CTNNA3: variants seen among roughly 807,000 people sequenced by gnomAD.
The protein encoded by CTNNA3 is catenin alpha 3, also known as catenin alpha-3.
A neutral mutation model predicts 95.7 loss-of-function variants in CTNNA3; 76 were observed. The ratio of observed to expected loss-of-function variants is 0.79; its 90% CI spans 0.66 to 0.96. CTNNA3 has a LOEUF of 0.96. CTNNA3 is among the 40% of genes least tolerant of loss of function. CTNNA3 has a pLI of 0.00. For synonymous variants in CTNNA3, 431 were observed against 374.4 expected, an observed-to-expected ratio of 1.15 and a Z score of -1.74; for missense variants, 1,191 against 1,089.8, an observed-to-expected ratio of 1.09 and a Z score of -1.31.
At chr10:66,843,377 G>A (rs1450240492) in intron 7 of CTNNA3, among the ~76,000 whole-genome samples, 4 of 152,132 alleles carry the variant, frequency 2.6e-5, no homozygotes, top group African/African-American at 9.7e-5. Flanking sequence ...ATGTGTAAAG[G>A]CATCCAGGTA....
intron 7 of CTNNA3, among the ~76,000 whole-genome samples, chr10:66,869,169 C>T (rs930829021): frequency 1.3e-5 from 2 of 152,128 alleles, no homozygotes; most frequent in African/African-American, 2.4e-5. Flanking sequence ...CCAATAAAAA[C>T]ACTATATAAT....
At chr10:67,241,781 T>G (rs1464178804) in intron 5 of CTNNA3, among the ~76,000 whole-genome samples, 3 of 152,228 alleles carry the variant, frequency 2.0e-5, no homozygotes, top group African/African-American at 7.2e-5. Flanking sequence ...TATCCCTTGT[T>G]GTCAAAAGAA....
chr10:67,419,688 A>AT, intron 5 of CTNNA3, among the ~76,000 whole-genome samples: 1 of 152,344 alleles, frequency 6.6e-6, no homozygotes, highest in East Asian at 1.9e-4. Context: ...AACTAATGTA[A>AT]TTTGAATCTT....
chr10:66,455,985 A>T (rs1174067425), intron 11 of CTNNA3, among the ~76,000 whole-genome samples: 1 of 152,232 alleles, frequency 6.6e-6, no homozygotes, highest in Non-Finnish European at 1.5e-5. Flanking sequence ...TTTGGTATAA[A>T]TCTGGCAAAA....
At chr10:66,585,250 T>C (rs1164965144) in intron 10 of CTNNA3, among the ~76,000 whole-genome samples, 1 of 152,064 alleles carries the variant, frequency 6.6e-6, no homozygotes, top group Non-Finnish European at 1.5e-5. Context: ...CCAGGGAAGT[T>C]TTCCTCCCTG....
chr10:67,456,220 G>T (rs1274533676), intron 5 of CTNNA3, among the ~76,000 whole-genome samples: 1 of 152,060 alleles, frequency 6.6e-6, no homozygotes, highest in Non-Finnish European at 1.5e-5. Context: ...AAGATAAAAT[G>T]TACCAAAGAG....
At chr10:67,681,315 A>G (rs1337186193) in intron 1 of CTNNA3, among the ~76,000 whole-genome samples, 3 of 152,180 alleles carry the variant, frequency 2.0e-5, no homozygotes, top group African/African-American at 7.2e-5. Flanking sequence ...TAGGGATTGG[A>G]AAAAATAGGA....
At chr10:66,251,390 G>C (rs911203874) in intron 13 of CTNNA3, among the ~76,000 whole-genome samples, 2 of 151,828 alleles carry the variant, frequency 1.3e-5, no homozygotes, top group African/African-American at 4.8e-5. Context: ...TGGTGATTTT[G>C]CTTTGTTAGG....
At position 67,670,327 on chromosome 10, in the gene CTNNA3, TA is replaced by T. The variant is rs144988192; in HGVS notation, c.-5-22810del. Among the ~76,000 whole-genome samples, 257 of 152,358 alleles carry T rather than the reference TA, an allele frequency of 1.7e-3. 2 individuals are homozygous for T. Among genetic ancestry groups the T allele is most frequent in the Non-Finnish European group, 2.8e-3 (193 of 68,026 alleles). On this transcript the variant is annotated intron_variant, in intron 1 of 17. Transcript: ENST00000433211. Reference sequence around the variant, plus strand: ...TTACTCATGTCTTTCATTGACTCTCTAAGTCTAGTTCTACTGATTTTGCATA... The same window carrying T: ...TTACTCATGTCTTTCATTGACTCTCTAGTCTAGTTCTACTGATTTTGCATA...
At chr10:67,539,437 C>T (rs1385322566) in intron 4 of CTNNA3, 66 bp downstream of exon 4, 4 of 1,563,476 alleles carry the variant, frequency 2.6e-6, no homozygotes, top group Admixed American at 3.4e-5. Context: ...GGATCGACGC[C>T]AGGTTCAGAG....
intron 7 of CTNNA3, among the ~76,000 whole-genome samples, chr10:66,784,026 G>C (rs1220464862): frequency 6.6e-6 from 1 of 152,058 alleles, no homozygotes; most frequent in African/African-American, 2.4e-5. Flanking sequence ...ATGAAACTTA[G>C]AACAGATAGA....
intron 7 of CTNNA3, among the ~76,000 whole-genome samples, chr10:67,080,604 T>C (rs972163624): frequency 6.6e-6 from 1 of 152,134 alleles, no homozygotes; most frequent in South Asian, 2.1e-4. Flanking sequence ...ATCTTATAGA[T>C]GTGCATAGAA....
At chr10:67,322,386 C>T (rs1259544513) in intron 5 of CTNNA3, among the ~76,000 whole-genome samples, 1 of 152,156 alleles carries the variant, frequency 6.6e-6, no homozygotes, top group African/African-American at 2.4e-5. Flanking sequence ...TCACCACCCA[C>T]CTTTCAATAG....
At chr10:66,331,284 T>A in intron 12 of CTNNA3, among the ~76,000 whole-genome samples, 1 of 151,062 alleles carries the variant, frequency 6.6e-6, no homozygotes, top group East Asian at 1.9e-4. Flanking sequence ...TTTCTACATA[T>A]GGCTAGCCAG....
At chr10:66,493,648 C>T (rs1840002774) in intron 11 of CTNNA3, among the ~76,000 whole-genome samples, 1 of 137,070 alleles carries the variant, frequency 7.3e-6, no homozygotes. Flanking sequence ...GTCGCTCAGG[C>T]TGGATGGAGT....
intron 6 of CTNNA3, among the ~76,000 whole-genome samples, chr10:67,213,476 T>C (rs1224192577): frequency 1.3e-5 from 2 of 151,746 alleles, no homozygotes; most frequent in Admixed American, 1.3e-4. Context: ...TTTATTAATT[T>C]TTTCCTTCTG....
intron 9 of CTNNA3, among the ~76,000 whole-genome samples, chr10:66,747,934 G>A (rs746509330): frequency 6.6e-6 from 1 of 151,978 alleles, no homozygotes; most frequent in Non-Finnish European, 1.5e-5. Context: ...TTTCTCCACT[G>A]GCACCAACTC....
At chr10:67,453,249 T>C (rs1847056114) in intron 5 of CTNNA3, among the ~76,000 whole-genome samples, 1 of 152,124 alleles carries the variant, frequency 6.6e-6, no homozygotes, top group South Asian at 2.1e-4. Flanking sequence ...CCACAATAGA[T>C]ATACAAAGAC....
chr10:66,985,456 AGCTG>A (rs1850675387), intron 7 of CTNNA3, among the ~76,000 whole-genome samples: 1 of 152,084 alleles, frequency 6.6e-6, no homozygotes, highest in Admixed American at 6.5e-5. Context: ...ATCAGTGGGG[AGCTG>A]GCAGGGAGGA....
Sources: gnomAD v4.1 joint callset for allele counts (sites outside exome capture counted in the v4.1 genomes callset) on GRCh38, gnomAD v4.1.1 for gene constraint, MANE v1.5 for transcripts, NCBI Gene and HGNC (gene_info 2026-07-23, HGNC 2026-07-21) for gene names.